The following LRRC61 variants were observed in gnomAD, a reference collection of about 807,000 sequenced individuals.
LRRC61 encodes the protein leucine-rich repeat-containing protein 61.
In LRRC61, 9 loss-of-function variants were observed where a neutral mutation model predicts 15.1. The observed-to-expected ratio is 0.60, with a 90% CI of 0.36 to 1.04. The LOEUF (loss-of-function observed/expected upper bound fraction) is 1.04. Among genes scored for constraint, LRRC61 ranks in the 50% least tolerant of loss-of-function variants. The probability of loss-of-function intolerance (pLI) is 0.01; values close to 1 mark genes in which losing one functional copy is unlikely to be tolerated. For missense variants in LRRC61, 344 were observed against 335.6 expected, an observed-to-expected ratio of 1.03 and a Z score of -0.20; for synonymous variants, 173 against 158.6, an observed-to-expected ratio of 1.09 and a Z score of -0.68.
chr7:150,309,806 G>A, the LRRC61 span, among the ~76,000 whole-genome samples: 2 of 152,112 alleles, frequency 1.3e-5, no homozygotes, highest in African/African-American at 2.4e-5. Flanking sequence ...CTCAGATCTC[G>A]GCTTTGCGGC....
chr7:150,337,050 C>G lies in LRRC61; in HGVS notation c.189C>G (p.Asn63Lys). ...TGGAGTGGCTGGACCTATCAGGCAA[C>G]GCGCTCACCCACCTGGGCCCGCTGG... ...LGLEWLDLSG[N>K]ALTHLGPLAS... The change falls in exon 3 of 3, where the codon AAC becomes AAG. Residue 63 changes from asparagine to lysine, a missense_variant. Coordinates refer to ENST00000359623, the MANE Select transcript of LRRC61 (RefSeq NM_001142928.2). The G allele has an allele frequency of 1.9e-6, 3 of 1,613,308 alleles. No homozygotes were observed. Among genetic ancestry groups the G allele is most frequent in the Non-Finnish European group, 2.5e-6 (3 of 1,180,024 alleles).
chr7:150,311,875 T>C, the LRRC61 span, among the ~76,000 whole-genome samples: 2 of 152,168 alleles, frequency 1.3e-5, no homozygotes, highest in African/African-American at 4.8e-5. Flanking sequence ...GGAATGCACA[T>C]TAACATTTAC....
chr7:150,317,142 T>C, the LRRC61 span, among the ~76,000 whole-genome samples: 1 of 152,036 alleles, frequency 6.6e-6, no homozygotes, highest in African/African-American at 2.4e-5. Context: ...ACCTCTGCCT[T>C]CTGGGCTCAA....
chr7:150,323,779 C>T (rs978299465), intron 1 of LRRC61: 1 of 444,300 alleles, frequency 2.3e-6, no homozygotes, highest in African/African-American at 2.1e-5. Flanking sequence ...TTAACACTAA[C>T]AATCTCATGA....
At chr7:150,323,878 C>G (rs1797824347) in intron 1 of LRRC61, among the ~76,000 whole-genome samples, 1 of 152,234 alleles carries the variant, frequency 6.6e-6, no homozygotes, top group Non-Finnish European at 1.5e-5. Context: ...GAGACGGGCT[C>G]TGGATGCCAT....
At position 150,330,739 on chromosome 7, in the gene LRRC61, T is replaced by G. The variant is rs1798080642; in HGVS notation, c.-145+4729T>G. The stretch of plus-strand genomic sequence containing the variant: ...GTGTACAAGGTGAAGGAGATTAGAG[T>G]GTCTGAATACTCTTTGAACTCCCCA... On this transcript the variant is annotated intron_variant, in intron 2 of 2. Transcript: ENST00000359623. The surrounding 1 kb of genome is among the most constrained non-coding windows in gnomAD (Gnocchi z 4.6). 4 of 1,605,594 alleles carry G rather than the reference T, an allele frequency of 2.5e-6. No homozygotes were observed.
chr7:150,322,441 C>T (rs141548514), upstream of LRRC61, among the ~76,000 whole-genome samples: 759 of 152,334 alleles, frequency 5.0e-3, 8 homozygotes, highest in African/African-American at 0.017. Context: ...CCTCACTGCT[C>T]ATTATGCACT....
At position 150,337,807 on chromosome 7, in the gene LRRC61, C is replaced by A. The variant is rs191420981; in HGVS notation, c.*166C>A. 44 of 742,418 alleles carry A rather than the reference C, an allele frequency of 5.9e-5. No individual in the cohort carries two copies. The East Asian group carries it at 1.2e-3, about 21-fold the overall frequency. The allele number at this position is 742,418 out of a possible 1,614,324, so 46.0% of individuals were successfully genotyped here. A position where few individuals can be genotyped will look rare whatever the true frequency, so the allele number is the denominator to read the frequency against. The stretch of plus-strand genomic sequence containing the variant: ...GCAGCCCCTCCCCACCATCCCTCCA[C>A]ATGCTGCAAGGACAGACTGAAGGGC... On this transcript the variant is annotated 3_prime_UTR_variant, in exon 3 of 3. Transcript: ENST00000359623.
At chr7:150,321,484 A>C (rs1250511745), upstream of LRRC61, among the ~76,000 whole-genome samples, 1 of 152,244 alleles carries the variant, frequency 6.6e-6, no homozygotes, top group African/African-American at 2.4e-5. Flanking sequence ...ACACACCTGC[A>C]ATCCCAGCAC....
At chr7:150,311,388 A>G in the LRRC61 span, among the ~76,000 whole-genome samples, 1 of 152,204 alleles carries the variant, frequency 6.6e-6, no homozygotes, top group Non-Finnish European at 1.5e-5. Context: ...TGCTGCTTTA[A>G]TACGTCTAGA....
upstream of LRRC61, chr7:150,323,257 A>G (rs541076262): frequency 4.2e-6 from 1 of 237,242 alleles, no homozygotes; most frequent in South Asian, 4.1e-5. Context: ...GCGCGCGAAG[A>G]CCCCCGCAGG....
the LRRC61 span, among the ~76,000 whole-genome samples, chr7:150,316,274 A>C: frequency 6.6e-6 from 1 of 152,186 alleles, no homozygotes. Flanking sequence ...TAAGCAATAC[A>C]TTGGGCCTGT....
In LRRC61 at chr7:150,330,392, G is replaced by T. The variant is rs1024357208; in HGVS notation, c.-145+4382G>T. Reference sequence around the variant, plus strand: ...CGGCAGACAGCCTCAGCAAGCTCCTGTAGCCCTTCCAGATGGTGGTCCGCG... The same window carrying T: ...CGGCAGACAGCCTCAGCAAGCTCCTTTAGCCCTTCCAGATGGTGGTCCGCG... On this transcript the variant is annotated intron_variant, in intron 2 of 2. Transcript: ENST00000359623. The surrounding 1 kb of genome is among the most constrained non-coding windows in gnomAD (Gnocchi z 4.6). The T allele has an allele frequency of 9.1e-6, 7 of 766,728 alleles. No individual in the cohort carries two copies. Among genetic ancestry groups the T allele is most frequent in the Non-Finnish European group, 1.7e-5 (7 of 417,960 alleles). 47.5% of individuals were successfully genotyped at this position (766,728 alleles called of 1,614,324 possible).
chr7:150,311,320 C>A, the LRRC61 span, among the ~76,000 whole-genome samples: 6 of 152,314 alleles, frequency 3.9e-5, no homozygotes, highest in South Asian at 2.1e-4. Flanking sequence ...GCCTTTCTAT[C>A]CAAACAACTT....
In LRRC61 at chr7:150,336,699, A is replaced by G. The variant is rs1364642611; in HGVS notation, c.-144-19A>G. The G allele has an allele frequency of 3.4e-6, 3 of 885,112 alleles. No individual in the cohort carries two copies. The highest frequency in any genetic ancestry group is 3.4e-5 in the African/African-American group (2 of 59,326). The allele number at this position is 885,112 out of a possible 1,614,324, so 54.8% of individuals were successfully genotyped here. On this transcript the variant is annotated intron_variant, in intron 2 of 2. Coordinates refer to ENST00000359623, the MANE Select transcript of LRRC61 (RefSeq NM_001142928.2). ...AAGACACAGAAAGTGCTGCCTGCTG[A>G]CTGACTGTCTCTCCTCAGGGACTGG...
At chr7:150,319,503 G>A (rs1266306243), upstream of LRRC61, among the ~76,000 whole-genome samples, 1 of 152,158 alleles carries the variant, frequency 6.6e-6, no homozygotes, top group African/African-American at 2.4e-5. Flanking sequence ...CACCTCGCCT[G>A]GCCCAGAACA....
At position 150,333,916 on chromosome 7, in the gene LRRC61, C is replaced by G. The variant is rs1350864631; in HGVS notation, c.-144-2802C>G. 2.0e-6 allele frequency: 2 copies of G among 985,324 alleles called. No homozygotes were observed. Among genetic ancestry groups the G allele is most frequent in the Non-Finnish European group, 2.4e-6 (2 of 829,906 alleles). The allele number at this position is 985,324 out of a possible 1,614,324, so 61.0% of individuals were successfully genotyped here. On this transcript the variant is annotated intron_variant, in intron 2 of 2. Transcript: ENST00000359623. This position sits in a 1 kb window ranked among gnomAD's most constrained non-coding sequence, Gnocchi z 4.3. ...AAACACAGCAGAGGTCACTGACCCC[C>G]AAGAGAATGAGGGTTATGCACGACC...
chr7:150,319,855 G>C (rs892127448), upstream of LRRC61, among the ~76,000 whole-genome samples: 1 of 152,120 alleles, frequency 6.6e-6, no homozygotes, highest in Admixed American at 6.5e-5. Context: ...CTAGGGGCAG[G>C]AGCCAGTCCT....
At chr7:150,318,166 T>G in the LRRC61 span, among the ~76,000 whole-genome samples, 1,189 of 152,296 alleles carry the variant, frequency 7.8e-3, 20 homozygotes, top group African/African-American at 0.026. Flanking sequence ...GTCATTTGTA[T>G]CAGCCAGGAT....
Sources: gnomAD v4.1 joint callset for allele counts (sites outside exome capture counted in the v4.1 genomes callset) on GRCh38, gnomAD v4.1.1 for gene constraint, Gnocchi (gnomAD v3.1) non-coding constraint, MANE v1.5 for transcripts, NCBI Gene and HGNC (gene_info 2026-07-23, HGNC 2026-07-21) for gene names.